The following SLC6A16 variants were observed in gnomAD, a reference collection of about 807,000 sequenced individuals.
SLC6A16 encodes the protein solute carrier family 6 member 16.
SLC6A16 carries 54 observed loss-of-function variants against 65.4 expected under a neutral mutation model. The ratio of observed to expected loss-of-function variants is 0.83; its 90% CI spans 0.66 to 1.04. The LOEUF (loss-of-function observed/expected upper bound fraction) is 1.04. Ranked by LOEUF, SLC6A16 falls within the 50% of genes least tolerant of loss-of-function variation. The pLI, the probability that SLC6A16 is intolerant of heterozygous loss-of-function variation, is 0.00. For synonymous variants in SLC6A16, 330 were observed against 346.5 expected (o/e 0.95, Z 0.53); for missense variants, 816 against 914.0 (o/e 0.89, Z 1.38).
At chr19:49,328,228 T>A (rs938664199), upstream of SLC6A16, among the ~76,000 whole-genome samples, 6 of 152,128 alleles carry the variant, frequency 3.9e-5, no homozygotes, top group African/African-American at 1.4e-4. Flanking sequence ...TCAGGAAACT[T>A]ACAATCATGG....
chr19:49,324,425 A>G (rs1970765810), intron 1 of SLC6A16, among the ~76,000 whole-genome samples: 1 of 152,168 alleles, frequency 6.6e-6, no homozygotes, highest in Admixed American at 6.5e-5. Context: ...AAGGGAGAGA[A>G]CTGAGTTTTG....
chr19:49,339,386 C>T, the SLC6A16 span: 288 of 1,614,052 alleles, frequency 1.8e-4, no homozygotes, highest in Non-Finnish European at 2.4e-4. This position sits in a 1 kb window ranked among gnomAD's most constrained non-coding sequence, Gnocchi z 4.5. Flanking sequence ...CCATAGTGGG[C>T]ATTTGCCTGG....
chr19:49,330,331 C>T, the SLC6A16 span, among the ~76,000 whole-genome samples: 1 of 152,018 alleles, frequency 6.6e-6, no homozygotes, highest in African/African-American at 2.4e-5. Flanking sequence ...TTCCTGAGTC[C>T]GCAGTTCAGG....
intron 1 of SLC6A16, among the ~76,000 whole-genome samples, chr19:49,318,850 GCAC>G (rs890569157): frequency 4.8e-5 from 7 of 146,432 alleles, no homozygotes; most frequent in African/African-American, 1.8e-4. Context: ...TTACAGGTGT[GCAC>G]CACCACAACT....
the SLC6A16 span, chr19:49,340,108 C>T: frequency 6.5e-7 from 1 of 1,537,948 alleles, no homozygotes. Flanking sequence ...CGTCGAGCCC[C>T]GCCCTTTTCT....
At chr19:49,324,486 C>T (rs907738301) in intron 1 of SLC6A16, among the ~76,000 whole-genome samples, 3 of 152,192 alleles carry the variant, frequency 2.0e-5, no homozygotes, top group Non-Finnish European at 2.9e-5. Context: ...CCCAGGCGGA[C>T]TCCTCTTCCC....
chr19:49,311,012 A>G lies in SLC6A16; in HGVS notation c.336T>C (p.Tyr112=), dbSNP rs1208096450. The G allele has an allele frequency of 6.2e-7, 1 of 1,614,202 alleles. No individual in the cohort carries two copies. Among genetic ancestry groups the G allele is most frequent in the Admixed American group, 1.7e-5 (1 of 60,018 alleles). Residue 112 remains tyrosine (Y), a synonymous_variant, in exon 2 of 12, where the codon TAT becomes TAC. Transcript: ENST00000335875. The part of the protein sequence containing the change: ...ARPFWSSKTE[Y]ILAQVGFSMK... ...TAGAGAAGCCCACCTGAGCCAGAAT[A>G]TACTCAGTTTTGCTGGACCAGAACG...
intron 1 of SLC6A16, among the ~76,000 whole-genome samples, chr19:49,322,636 A>G (rs1970731292): frequency 6.8e-6 from 1 of 147,000 alleles, no homozygotes; most frequent in East Asian, 2.0e-4. Context: ...CTCCATCTCA[A>G]AAAAAAAAAA....
At position 49,294,017 on chromosome 19, in the gene SLC6A16, G is replaced by T; in HGVS notation, c.1428C>A (p.Gly476=). The T allele has an allele frequency of 6.2e-7, 1 of 1,611,058 alleles. No individual in the cohort carries two copies. ...IETQFLKASE[G]PKFAFLSFVE... is the part of the protein sequence containing the mutation. ...CAAAGGACAGGAATGCAAACTTTGG[G>T]CCCTCGCTAGCCTGCAAAGAGAACA... The change falls in exon 9 of 12, where the codon GGC becomes GGA. Residue 476 remains glycine, a synonymous_variant. Transcript: ENST00000335875.
intron 7 of SLC6A16, among the ~76,000 whole-genome samples, chr19:49,303,749 A>G (rs909835567): frequency 2.6e-5 from 4 of 152,126 alleles, no homozygotes; most frequent in African/African-American, 9.7e-5. Context: ...TACAAGTGAT[A>G]AGGTTTGGGG....
chr19:49,307,221 A>G (rs1015117936), intron 7 of SLC6A16, among the ~76,000 whole-genome samples: 2 of 151,640 alleles, frequency 1.3e-5, no homozygotes, highest in African/African-American at 4.9e-5. Flanking sequence ...GCTCATAATA[A>G]AAGGTTTTTT....
Position 49,294,676 on chromosome 19 carries a change from G to A in SLC6A16, c.1230-123C>T, listed in dbSNP as rs1254085692. 8.7e-6 allele frequency: 8 copies of A among 916,732 alleles called. No individual in the cohort carries two copies. The East Asian group carries it at 1.8e-4, about 20-fold the overall frequency. 56.8% of individuals were successfully genotyped at this position (916,732 alleles called of 1,614,324 possible). A position where few individuals can be genotyped will look rare whatever the true frequency, so the allele number is the denominator to read the frequency against. On this transcript the variant is annotated intron_variant, in intron 7 of 11. Transcript: ENST00000335875. ...TAGCATTACTGATCTGGGTAAGATA[G>A]AGCCTGGGATGAATCCTAGAAGGCA...
the SLC6A16 span, among the ~76,000 whole-genome samples, chr19:49,332,654 A>G: frequency 5.3e-5 from 8 of 152,066 alleles, no homozygotes; most frequent in African/African-American, 1.9e-4. Flanking sequence ...TACCCGCAAA[A>G]CCCTTTTTTC....
rs1355735516 is a variant in SLC6A16 at position 49,311,005 on chromosome 19, C to G, written c.343G>C (p.Ala115Pro). ...FWSSKTEYIL[A>P]QVGFSMKPSC... ...GGCTTCATAGAGAAGCCCACCTGAGCCAGAATATACTCAGTTTTGCTGGAC... is the reference window on the plus strand; with the variant it reads ...GGCTTCATAGAGAAGCCCACCTGAGGCAGAATATACTCAGTTTTGCTGGAC... Residue 115 changes from alanine to proline, a missense_variant, in exon 2 of 12, where the codon GCT becomes CCT. Transcript: ENST00000335875. 6.2e-7 allele frequency: 1 copy of G among 1,614,222 alleles called. No individual in the cohort carries two copies. Among genetic ancestry groups the G allele is most frequent in the South Asian group, 1.1e-5 (1 of 91,088 alleles).
intron 1 of SLC6A16, among the ~76,000 whole-genome samples, chr19:49,315,077 G>T (rs1204709425): frequency 6.6e-6 from 1 of 151,768 alleles, no homozygotes; most frequent in Admixed American, 6.6e-5. Context: ...TTACAAATAT[G>T]GGGATATCTG....
rs762642541 is a variant in SLC6A16, at chr19:49,311,184, C to T, written c.164G>A (p.Arg55Gln). ...GGTCCTGGCCTGAGCCTCTGCAACCCGGGCTGCTGAAACTTGGGCCTCTGA... is the reference window on the plus strand; with the variant it reads ...GGTCCTGGCCTGAGCCTCTGCAACCTGGGCTGCTGAAACTTGGGCCTCTGA... ...WTSEAQVSAA[R>Q]VAEAQARTSQ... The change falls in exon 2 of 12, where the codon CGG becomes CAG. Residue 55 changes from arginine (R) to glutamine (Q), a missense_variant. Coordinates refer to ENST00000335875, the MANE Select transcript of SLC6A16 (RefSeq NM_014037.3). 5.0e-6 allele frequency: 8 copies of T among 1,614,098 alleles called. No individual in the cohort carries two copies. The highest frequency in any genetic ancestry group is 1.3e-5 in the African/African-American group (1 of 75,044).
the SLC6A16 span, among the ~76,000 whole-genome samples, chr19:49,331,303 C>T: frequency 6.6e-6 from 1 of 152,100 alleles, no homozygotes; most frequent in Admixed American, 6.6e-5. Flanking sequence ...ACCTCAGCCT[C>T]CTGAGTAGCT....
At chr19:49,331,012 C>T in the SLC6A16 span, among the ~76,000 whole-genome samples, 4 of 151,878 alleles carry the variant, frequency 2.6e-5, no homozygotes, top group East Asian at 1.9e-4. Context: ...ATTCGCTTCC[C>T]GAGACTGCTG....
At chr19:49,312,221 A>T (rs939913264) in intron 1 of SLC6A16, among the ~76,000 whole-genome samples, 50 of 152,300 alleles carry the variant, frequency 3.3e-4, no homozygotes, top group African/African-American at 1.2e-3. Context: ...ATTTAAAAAC[A>T]AAACTAAACT....
Sources: allele counts gnomAD v4.1 joint callset (sites outside exome capture counted in the v4.1 genomes callset), GRCh38; gene constraint gnomAD v4.1.1; non-coding constraint Gnocchi (gnomAD v3.1); transcripts MANE v1.5; gene names NCBI Gene and HGNC (gene_info 2026-07-23, HGNC 2026-07-21).